The following SRRM3 variants were observed in gnomAD, a reference collection of about 807,000 sequenced individuals.
SRRM3 encodes the protein serine/arginine repetitive matrix 3.
A neutral mutation model predicts 66.2 loss-of-function variants in SRRM3; 27 were observed. The ratio of observed to expected loss-of-function variants is 0.41; its 90% CI spans 0.30 to 0.56. The LOEUF (loss-of-function observed/expected upper bound fraction) is 0.56. SRRM3 is among the 20% of genes least tolerant of loss of function. The pLI, the probability that SRRM3 is intolerant of heterozygous loss-of-function variation, is 0.32. For synonymous variants in SRRM3, 391 were observed against 414.9 expected, an observed-to-expected ratio of 0.94 and a Z score of 0.70; for missense variants, 918 against 991.9, an observed-to-expected ratio of 0.93 and a Z score of 1.00.
intron 2 of SRRM3, among the ~76,000 whole-genome samples, chr7:76,243,816 T>C (rs1409540909): frequency 6.6e-6 from 1 of 152,248 alleles, no homozygotes; most frequent in African/African-American, 2.4e-5. Context: ...GCCTGTGCTG[T>C]GTTTGTCTCT....
At chr7:76,240,410 G>A (rs1360722498) in intron 2 of SRRM3, among the ~76,000 whole-genome samples, 2 of 152,082 alleles carry the variant, frequency 1.3e-5, no homozygotes, top group Non-Finnish European at 2.9e-5. Context: ...CACGAGGTCA[G>A]GAGATCGAGG....
At chr7:76,281,987 A>G (rs1309884419) in intron 12 of SRRM3, among the ~76,000 whole-genome samples, 185 bp downstream of exon 12, 1 of 64,388 alleles carries the variant, frequency 1.6e-5, no homozygotes, top group African/African-American at 6.2e-5. Flanking sequence ...ACGGATCCCA[A>G]CCCCTCCTCA....
At chr7:76,255,140 C>CTTTTTTTTTTTTTTTTTTTT (rs1583913378) in intron 3 of SRRM3, among the ~76,000 whole-genome samples, 1 of 97,148 alleles carries the variant, frequency 1.0e-5, no homozygotes, top group African/African-American at 3.7e-5. Flanking sequence ...TTCTTTCTTT[C>CTTTTTTTTTTTTTTTTTTTT]TTTCTTTCTT....
rs1037240593 is a variant in SRRM3 at position 76,286,132 on chromosome 7, T to G, written c.*289T>G. Reference sequence around the variant, plus strand: ...GAACACAGGAATCTCCCCATCCCCCTTCCTGCTGATGCCAACTCACCAGGC... The same window carrying G: ...GAACACAGGAATCTCCCCATCCCCCGTCCTGCTGATGCCAACTCACCAGGC... On this transcript the variant is annotated 3_prime_UTR_variant, in exon 15 of 15. Transcript: ENST00000611745. The G allele has an allele frequency of 3.2e-5, 16 of 497,920 alleles. No homozygotes were observed. The highest frequency in any genetic ancestry group is 2.7e-4 in the African/African-American group (14 of 51,276). 30.8% of individuals were successfully genotyped at this position (497,920 alleles called of 1,614,324 possible).
intron 10 of SRRM3, among the ~76,000 whole-genome samples, chr7:76,266,390 A>T (rs1216080451): frequency 2.7e-5 from 3 of 113,096 alleles, no homozygotes; most frequent in African/African-American, 1.2e-4. Flanking sequence ...TATTTAATAT[A>T]TTTATATATT....
intron 1 of SRRM3, among the ~76,000 whole-genome samples, chr7:76,225,532 C>T (rs1800842340): frequency 6.7e-6 from 1 of 148,888 alleles, no homozygotes; most frequent in Non-Finnish European, 1.5e-5. Context: ...AAATGGGGCC[C>T]CCTGAACTGG....
intron 1 of SRRM3, among the ~76,000 whole-genome samples, chr7:76,234,672 T>C (rs1554604580): frequency 2.0e-5 from 3 of 152,198 alleles, no homozygotes; most frequent in South Asian, 2.1e-4. Context: ...GAGTTAATGA[T>C]GTGTGCAAGC....
chr7:76,265,196 C>T (rs1801977610), intron 9 of SRRM3, among the ~76,000 whole-genome samples, 168 bp from the exon 10 acceptor site: 2 of 152,150 alleles, frequency 1.3e-5, no homozygotes, highest in Non-Finnish European at 2.9e-5. Context: ...CTGCAGCCAG[C>T]ACCAACACTG....
At chr7:76,247,863 T>C (rs1344793802) in intron 2 of SRRM3, among the ~76,000 whole-genome samples, 2 of 151,958 alleles carry the variant, frequency 1.3e-5, no homozygotes, top group African/African-American at 4.8e-5. Flanking sequence ...TCCGGCTAAT[T>C]TTTGTATTTT....
chr7:76,236,206 A>C (rs1801149494), intron 2 of SRRM3, among the ~76,000 whole-genome samples: 1 of 150,926 alleles, frequency 6.6e-6, no homozygotes, highest in Non-Finnish European at 1.5e-5. Flanking sequence ...GCTACTTGGG[A>C]GACTGAAGCA....
At chr7:76,249,373 C>G (rs1801516760) in intron 3 of SRRM3, among the ~76,000 whole-genome samples, 1 of 127,608 alleles carries the variant, frequency 7.8e-6, no homozygotes, top group Non-Finnish European at 1.5e-5. Flanking sequence ...GAGCGAGACT[C>G]TGTCTCAAAA....
intron 1 of SRRM3, among the ~76,000 whole-genome samples, chr7:76,232,305 C>T (rs1801035354): frequency 6.6e-6 from 1 of 151,870 alleles, no homozygotes; most frequent in African/African-American, 2.4e-5. Flanking sequence ...GGGCAGATCG[C>T]CTGAGGTCAG....
chr7:76,282,512 C>G, intron 12 of SRRM3, 136 bp from the exon 13 acceptor site: 1 of 481,180 alleles, frequency 2.1e-6, no homozygotes. Flanking sequence ...GCGTTCACTG[C>G]GCACTCCGCG....
intron 1 of SRRM3, among the ~76,000 whole-genome samples, chr7:76,222,047 G>A (rs1428954573): frequency 1.3e-5 from 2 of 152,144 alleles, no homozygotes; most frequent in African/African-American, 2.4e-5. Flanking sequence ...TCTGCTACTG[G>A]CTGATCGGCA....
intron 1 of SRRM3, among the ~76,000 whole-genome samples, chr7:76,225,319 G>T (rs1262286161): frequency 1.3e-5 from 2 of 152,194 alleles, no homozygotes; most frequent in Non-Finnish European, 2.9e-5. Context: ...GACCACAGAC[G>T]AAGTGCTCAA....
At chr7:76,229,245 A>G (rs147796467) in intron 1 of SRRM3, among the ~76,000 whole-genome samples, 1 of 152,336 alleles carries the variant, frequency 6.6e-6, no homozygotes, top group Non-Finnish European at 1.5e-5. Context: ...TAGAACTGAC[A>G]TATGAAATAT....
intron 8 of SRRM3, among the ~76,000 whole-genome samples, chr7:76,262,684 C>T (rs560239768): frequency 2.7e-4 from 41 of 151,938 alleles, no homozygotes; most frequent in Admixed American, 1.7e-3. Flanking sequence ...GGCATGGTGG[C>T]GGGTGCCTGT....
At chr7:76,284,948 T>C (rs1056035646) in intron 14 of SRRM3, among the ~76,000 whole-genome samples, 2 of 152,150 alleles carry the variant, frequency 1.3e-5, no homozygotes, top group African/African-American at 4.8e-5. Context: ...AAGCAACAAA[T>C]TCCTTGATTG....
Position 76,285,797 on chromosome 7 carries a change from G to C in SRRM3, c.1916G>C (p.Ser639Thr). Residue 639 changes from serine to threonine, a missense_variant, in exon 15 of 15, where the codon AGT becomes ACT. Physicochemically the swap from Ser to Thr is moderately conservative, Grantham distance 58 (BLOSUM62 1). Transcript: ENST00000611745. This position sits in a 1 kb window ranked among gnomAD's most constrained non-coding sequence, Gnocchi z 4.1. ...SRTRSPSRTPSPSYHSRSSSE... is the reference protein window; with the variant it reads ...SRTRSPSRTPTPSYHSRSSSE... ...ACACGCAGCCCCTCGAGGACCCCCAGTCCCAGCTACCACAGCCGGAGCAGC... is the reference window on the plus strand; with the variant it reads ...ACACGCAGCCCCTCGAGGACCCCCACTCCCAGCTACCACAGCCGGAGCAGC... 6.4e-7 allele frequency: 1 copy of C among 1,550,938 alleles called. No individual in the cohort carries two copies.
Sources: gnomAD v4.1 joint callset for allele counts (sites outside exome capture counted in the v4.1 genomes callset) on GRCh38, gnomAD v4.1.1 for gene constraint, Gnocchi (gnomAD v3.1) non-coding constraint, MANE v1.5 for transcripts, NCBI Gene and HGNC (gene_info 2026-07-23, HGNC 2026-07-21) for gene names.